The following CGA variants were observed in gnomAD, a reference collection of about 807,000 sequenced individuals.
CGA encodes glycoprotein hormones, alpha polypeptide.
In CGA, 4 loss-of-function variants were observed where a neutral mutation model predicts 12.0. That is an observed-to-expected ratio of 0.33 (90% CI 0.16 to 0.76). The LOEUF (loss-of-function observed/expected upper bound fraction) is 0.76. Ranked by LOEUF, CGA falls within the 30% of genes least tolerant of loss-of-function variation. CGA has a pLI of 0.60. For missense variants in CGA, 102 were observed against 143.5 expected, an observed-to-expected ratio of 0.71 and a Z score of 1.48; for synonymous variants, 60 against 56.6, an observed-to-expected ratio of 1.06 and a Z score of -0.27.
At chr6:87,086,496 G>C in intron 2 of CGA, 62 bp from the exon 3 acceptor site, 2 of 1,492,838 alleles carry the variant, frequency 1.3e-6, no homozygotes, top group Non-Finnish European at 1.8e-6. Context: ...GAATCTATGA[G>C]GCCAGCACAG....
At chr6:87,087,206 G>T (rs1769339784) in intron 2 of CGA, among the ~76,000 whole-genome samples, 2 of 152,138 alleles carry the variant, frequency 1.3e-5, no homozygotes, top group Non-Finnish European at 2.9e-5. Flanking sequence ...GTGCTTTTTG[G>T]TTATATGTTA....
At chr6:87,087,448 T>A (rs539106558) in intron 2 of CGA, among the ~76,000 whole-genome samples, 14 of 152,292 alleles carry the variant, frequency 9.2e-5, no homozygotes, top group African/African-American at 3.1e-4. Context: ...GGAAAAATAT[T>A]TTTCCCTTTA....
At chr6:87,086,003 G>C (rs1029648729) in intron 3 of CGA, 170 bp from the exon 4 acceptor site, 1 of 669,104 alleles carries the variant, frequency 1.5e-6, no homozygotes, top group Non-Finnish European at 2.6e-6. Context: ...CAAGTAAGCT[G>C]TACTTTCTCC....
Position 87,085,697 on chromosome 6 carries a change from C to T in CGA, c.*59G>A, listed in dbSNP as rs1290896812. On this transcript the variant is annotated 3_prime_UTR_variant, in exon 4 of 4. Transcript: ENST00000627148. ...ATCTCACAAAGCCATAAACACTAAA[C>T]AACTTAATTTTCCATTCCAGAAAAT... 5.0e-6 allele frequency: 6 copies of T among 1,201,236 alleles called. No individual in the cohort carries two copies. The Middle Eastern group carries it at 5.6e-4, about 113-fold the overall frequency. The allele number at this position is 1,201,236 out of a possible 1,614,324, so 74.4% of individuals were successfully genotyped here.
intron 1 of CGA, among the ~76,000 whole-genome samples, chr6:87,090,893 G>A (rs1769422539): frequency 6.7e-6 from 1 of 149,840 alleles, no homozygotes; most frequent in Non-Finnish European, 1.5e-5. Context: ...TGATCCACCT[G>A]CCTCGGCCTC....
intron 1 of CGA, among the ~76,000 whole-genome samples, chr6:87,094,184 T>C (rs1376827138): frequency 2.0e-5 from 3 of 152,194 alleles, no homozygotes; most frequent in Non-Finnish European, 2.9e-5. Context: ...GAAAGGGAGC[T>C]TCTGCATTCC....
At chr6:87,086,785 CA>C (rs1291426151) in intron 2 of CGA, among the ~76,000 whole-genome samples, 2 of 149,662 alleles carry the variant, frequency 1.3e-5, no homozygotes, top group African/African-American at 4.9e-5. Context: ...GACCCTGACT[CA>C]AAAAAATAAG....
At chr6:87,092,938 G>A (rs992008859) in intron 1 of CGA, among the ~76,000 whole-genome samples, 2 of 151,532 alleles carry the variant, frequency 1.3e-5, no homozygotes, top group African/African-American at 4.8e-5. Flanking sequence ...TTTTGTGTTT[G>A]TTTTTTTGTT....
At chr6:87,091,655 T>C (rs1264335329) in intron 1 of CGA, among the ~76,000 whole-genome samples, 1 of 152,212 alleles carries the variant, frequency 6.6e-6, no homozygotes, top group East Asian at 1.9e-4. Context: ...CAAGATAATA[T>C]GTGTCCAAGA....
At chr6:87,087,085 A>AAAGGC (rs896723675) in intron 2 of CGA, among the ~76,000 whole-genome samples, 10 of 152,212 alleles carry the variant, frequency 6.6e-5, no homozygotes. Flanking sequence ...TCTCAAAAGA[A>AAAGGC]AAGGCAAGGC....
chr6:87,087,936 A>G (rs2274137), intron 2 of CGA, 177 bp downstream of exon 2: 1 of 400,514 alleles, frequency 2.5e-6, no homozygotes. Context: ...TTCACTGCAC[A>G]TTTTCTGAAC....
intron 2 of CGA, 185 bp downstream of exon 2, chr6:87,087,928 C>T (rs1221037549): frequency 2.6e-6 from 1 of 392,016 alleles, no homozygotes; most frequent in East Asian, 3.7e-5. Flanking sequence ...ATATCATTTT[C>T]ACTGCACATT....
intron 2 of CGA, chr6:87,087,625 T>C (rs1379280630): frequency 6.6e-6 from 1 of 152,200 alleles, no homozygotes; most frequent in African/African-American, 2.4e-5. Context: ...CCATAACCAA[T>C]AGTAGCTCAC....
chr6:87,088,234 AAAAC>A (rs202107896), intron 1 of CGA, 27 bp from the exon 2 acceptor site: 51,562 of 1,052,738 alleles, frequency 0.049, 386 homozygotes, highest in East Asian at 0.081. Flanking sequence ...CAAAAAAAAA[AAAAC>A]AAAAAACAGT....
At chr6:87,094,760 T>A (rs1332792947) in intron 1 of CGA, 2 of 152,204 alleles carry the variant, frequency 1.3e-5, no homozygotes, top group Non-Finnish European at 2.9e-5. Context: ...AATTTTTAGA[T>A]CCTGACAGGC....
In CGA at chr6:87,086,444, A is replaced by AT. The variant is rs1769326012; in HGVS notation, c.89-11_89-10insA. The AT allele has an allele frequency of 6.7e-7, 1 of 1,493,558 alleles. No individual in the cohort carries two copies. The highest frequency in any genetic ancestry group is 2.3e-5 in the East Asian group (1 of 42,570). 92.5% of individuals were successfully genotyped at this position (1,493,558 alleles called of 1,614,324 possible). On this transcript the variant is annotated splice_polypyrimidine_tract_variant and intron_variant, in intron 2 of 3. Coordinates refer to ENST00000627148, the MANE Select transcript of CGA (RefSeq NM_000735.4). ...GTGCATTCTGGGCAATCTATCAGGG[A>AT]AAAAAAAAGGCAGAGTAAAATATCC...
chr6:87,086,087 T>C, intron 3 of CGA, 163 bp downstream of exon 3: 1 of 691,160 alleles, frequency 1.4e-6, no homozygotes. Flanking sequence ...ACAAGACAAT[T>C]GACTCTTTTA....
chr6:87,094,744 G>C (rs1769505779), intron 1 of CGA: 1 of 152,174 alleles, frequency 6.6e-6, no homozygotes, highest in African/African-American at 2.4e-5. Flanking sequence ...AGTAATTCTT[G>C]AGGAAAATTT....
chr6:87,087,710 T>G (rs1769349677), intron 2 of CGA: 2 of 153,388 alleles, frequency 1.3e-5, no homozygotes, highest in African/African-American at 4.8e-5. Context: ...AAATTTACTG[T>G]ATAAAATGGT....
Sources: gnomAD v4.1 joint callset for allele counts (sites outside exome capture counted in the v4.1 genomes callset) on GRCh38, gnomAD v4.1.1 for gene constraint, MANE v1.5 for transcripts, NCBI Gene and HGNC (gene_info 2026-07-23, HGNC 2026-07-21) for gene names.